The following KSR2 variants were observed in gnomAD, a reference collection of about 807,000 sequenced individuals.
KSR2 encodes the protein kinase suppressor of ras 2.
KSR2 carries 25 observed loss-of-function variants against 107.8 expected under a neutral mutation model. That is an observed-to-expected ratio of 0.23 (90% confidence interval 0.17 to 0.32). The LOEUF is 0.32. Among genes scored for constraint, KSR2 ranks in the 10% least tolerant of loss-of-function variants. KSR2 has a pLI of 1.00. For synonymous variants in KSR2, 480 were observed against 507.0 expected (o/e 0.95, Z 0.71); for missense variants, 887 against 1,268.9 (o/e 0.70, Z 4.57).
At chr12:117,835,010 C>T (rs1892140458) in intron 3 of KSR2, among the ~76,000 whole-genome samples, 1 of 152,170 alleles carries the variant, frequency 6.6e-6, no homozygotes, top group Admixed American at 6.5e-5. Flanking sequence ...AGCTCACTGG[C>T]TGGGCATGAA....
At chr12:117,884,230 G>T (rs1258058715) in intron 1 of KSR2, among the ~76,000 whole-genome samples, 3 of 152,088 alleles carry the variant, frequency 2.0e-5, no homozygotes, top group Admixed American at 6.6e-5. Flanking sequence ...AAATGATAGT[G>T]CCCCTCCTGC....
chr12:117,762,191 T>C (rs1192134184), intron 3 of KSR2, among the ~76,000 whole-genome samples: 1 of 152,244 alleles, frequency 6.6e-6, no homozygotes, highest in African/African-American at 2.4e-5. Flanking sequence ...GTTCTGGTAG[T>C]TTCAAAGTGA....
chr12:117,543,051 T>C (rs1359695839), intron 9 of KSR2, among the ~76,000 whole-genome samples: 1 of 152,238 alleles, frequency 6.6e-6, no homozygotes, highest in Non-Finnish European at 1.5e-5. Flanking sequence ...AGTTGTTTTC[T>C]ATTTTTTGCC....
intron 4 of KSR2, among the ~76,000 whole-genome samples, chr12:117,694,030 T>C (rs775278611): frequency 5.9e-5 from 9 of 152,268 alleles, no homozygotes; most frequent in Non-Finnish European, 1.3e-4. Flanking sequence ...AGTGAAAGGG[T>C]TAACCAAAGG....
At chr12:117,589,231 C>A (rs1265202277) in intron 5 of KSR2, among the ~76,000 whole-genome samples, 1 of 152,060 alleles carries the variant, frequency 6.6e-6, no homozygotes, top group African/African-American at 2.4e-5. Flanking sequence ...ATCGCTAAAC[C>A]CTGTTGGATA....
In KSR2 at chr12:117,548,370, A is replaced by G. The variant is rs530878889; in HGVS notation, c.1518+6799T>C. 2.9e-4 allele frequency among the ~76,000 whole-genome samples: 44 copies of G among 152,310 alleles called. No homozygotes were observed. In the South Asian group the frequency reaches 9.1e-3, roughly 32 times the overall value. ...TCAGCCTACTCAACATGAAAACGAC[A>G]AGGATGAAGACCTTTATGATGATTT... On this transcript the variant is annotated intron_variant, in intron 9 of 19. Coordinates refer to ENST00000339824, the MANE Select transcript of KSR2 (RefSeq NM_173598.6).
At chr12:117,630,123 A>C (rs1258401431) in intron 5 of KSR2, among the ~76,000 whole-genome samples, 1 of 152,224 alleles carries the variant, frequency 6.6e-6, no homozygotes, top group East Asian at 1.9e-4. Context: ...CTGGGGTCTA[A>C]GGAACAGGTG....
intron 5 of KSR2, among the ~76,000 whole-genome samples, chr12:117,658,323 C>T (rs538029971): frequency 2.7e-4 from 41 of 152,128 alleles, no homozygotes; most frequent in African/African-American, 7.2e-4. Flanking sequence ...GGATACAGGA[C>T]GATCCATTTG....
At chr12:117,920,430 A>G (rs910179138) in intron 1 of KSR2, among the ~76,000 whole-genome samples, 15 of 152,052 alleles carry the variant, frequency 9.9e-5, no homozygotes, top group African/African-American at 3.4e-4. Flanking sequence ...AATGAAAGAA[A>G]AAGAATATAG....
chr12:117,861,753 TATTTA>T (rs971731018), intron 1 of KSR2, among the ~76,000 whole-genome samples: 15 of 152,178 alleles, frequency 9.9e-5, no homozygotes, highest in African/African-American at 3.6e-4. Flanking sequence ...GGAAACATTT[TATTTA>T]AACTCTTTTG....
At chr12:117,835,608 C>A (rs1307149843) in intron 3 of KSR2, among the ~76,000 whole-genome samples, 1 of 152,166 alleles carries the variant, frequency 6.6e-6, no homozygotes, top group Admixed American at 6.5e-5. Flanking sequence ...AAGCCAGTGG[C>A]TCTCAGCCCA....
At chr12:117,575,776 T>C (rs372124729) in intron 7 of KSR2, among the ~76,000 whole-genome samples, 84 of 152,320 alleles carry the variant, frequency 5.5e-4, no homozygotes, top group African/African-American at 2.0e-3. Context: ...GGAGTCATTT[T>C]TGCACAAGAC....
At chr12:117,763,430 T>C (rs1322146201) in intron 3 of KSR2, among the ~76,000 whole-genome samples, 1 of 152,228 alleles carries the variant, frequency 6.6e-6, no homozygotes, top group East Asian at 1.9e-4. Context: ...CAGATTCTCA[T>C]GCAACCACGT....
chr12:117,795,377 G>A (rs1372814038), intron 3 of KSR2, among the ~76,000 whole-genome samples: 1 of 152,110 alleles, frequency 6.6e-6, no homozygotes, highest in Non-Finnish European at 1.5e-5. Flanking sequence ...CAGCCTTCTG[G>A]AAGATGATGC....
At position 117,959,308 on chromosome 12, in the gene KSR2, T is replaced by C. The variant is rs375632032; in HGVS notation, c.180+8768A>G. On this transcript the variant is annotated intron_variant, in intron 1 of 19. Transcript: ENST00000339824. ...ACCCAATCTATTCCACCTCCAGTCTTACATTTCAAACAAGGGGACCCCCAT... is the reference window on the plus strand; with the variant it reads ...ACCCAATCTATTCCACCTCCAGTCTCACATTTCAAACAAGGGGACCCCCAT... Among the ~76,000 whole-genome samples the C allele has an allele frequency of 2.0e-5, 3 of 152,156 alleles. No homozygotes were observed. In the East Asian group the frequency reaches 5.8e-4, roughly 29 times the overall value.
At chr12:117,589,629 G>A (rs1277483211) in intron 5 of KSR2, among the ~76,000 whole-genome samples, 1 of 152,176 alleles carries the variant, frequency 6.6e-6, no homozygotes, top group Non-Finnish European at 1.5e-5. Flanking sequence ...TGGAGTCACA[G>A]GCCAGTCACC....
At chr12:117,586,463 G>A (rs1282358740) in intron 5 of KSR2, among the ~76,000 whole-genome samples, 4 of 151,080 alleles carry the variant, frequency 2.6e-5, no homozygotes, top group African/African-American at 7.3e-5. Flanking sequence ...GGCGGGCACC[G>A]GTAATCCCAG....
At chr12:117,489,953 G>A (rs1372646423) in intron 14 of KSR2, among the ~76,000 whole-genome samples, 2 of 152,230 alleles carry the variant, frequency 1.3e-5, no homozygotes, top group Non-Finnish European at 2.9e-5. Context: ...AGTGTGGGAT[G>A]TGGGGAAAGG....
intron 3 of KSR2, among the ~76,000 whole-genome samples, chr12:117,834,211 A>G (rs1268174646): frequency 1.3e-5 from 2 of 152,020 alleles, no homozygotes; most frequent in Non-Finnish European, 2.9e-5. Context: ...AATAAAGACC[A>G]TGATCCGAAG....
Sources: gnomAD v4.1 joint callset for allele counts (sites outside exome capture counted in the v4.1 genomes callset) on GRCh38, gnomAD v4.1.1 for gene constraint, MANE v1.5 for transcripts, NCBI Gene and HGNC (gene_info 2026-07-23, HGNC 2026-07-21) for gene names.